The following MAP2K6 variants were observed in gnomAD, a reference collection of about 807,000 sequenced individuals.
The protein encoded by MAP2K6 is dual specificity mitogen-activated protein kinase kinase 6.
In MAP2K6, 16 loss-of-function variants were observed where a neutral mutation model predicts 53.7. That is an observed-to-expected ratio of 0.30 (90% confidence interval 0.20 to 0.45). The LOEUF is 0.45. Among genes scored for constraint, MAP2K6 ranks in the 20% least tolerant of loss-of-function variants. The pLI is 1.00. For synonymous variants in MAP2K6, 132 were observed against 143.1 expected (o/e 0.92, Z 0.55); for missense variants, 204 against 411.9 (o/e 0.50, Z 4.37).
intron 1 of MAP2K6, among the ~76,000 whole-genome samples, chr17:69,481,064 A>G (rs1908335086): frequency 6.6e-6 from 1 of 152,200 alleles, no homozygotes; most frequent in Non-Finnish European, 1.5e-5. Flanking sequence ...GTACATCCAC[A>G]TTGGTATGCA....
chr17:69,531,793 C>T (rs922599632), intron 10 of MAP2K6, among the ~76,000 whole-genome samples: 6 of 152,128 alleles, frequency 3.9e-5, no homozygotes, highest in African/African-American at 4.8e-5. Context: ...TCTTTCTTAT[C>T]GTAGGGGTTT....
At chr17:69,505,645 G>T in intron 1 of MAP2K6, 135 bp from the exon 2 acceptor site, 1 of 711,854 alleles carries the variant, frequency 1.4e-6, no homozygotes, top group Non-Finnish European at 2.6e-6. Context: ...CAGACTTCCT[G>T]GGTAGGAAGT....
chr17:69,505,081 G>GA (rs879863986), intron 1 of MAP2K6, among the ~76,000 whole-genome samples: 39 of 101,082 alleles, frequency 3.9e-4, no homozygotes, highest in African/African-American at 4.6e-4. Context: ...ACACTAAAAA[G>GA]AAAAAAAAAA....
chr17:69,415,515 A>T (rs1439049314), intron 1 of MAP2K6, among the ~76,000 whole-genome samples: 1 of 152,214 alleles, frequency 6.6e-6, no homozygotes, highest in Non-Finnish European at 1.5e-5. Flanking sequence ...TATCGCCTTG[A>T]ACATTAGGTA....
chr17:69,430,686 C>A (rs754952216), intron 1 of MAP2K6, among the ~76,000 whole-genome samples: 53 of 152,212 alleles, frequency 3.5e-4, no homozygotes, highest in Non-Finnish European at 7.2e-4. Flanking sequence ...CTAAGTGGGA[C>A]CAATGGAGTC....
intron 1 of MAP2K6, among the ~76,000 whole-genome samples, chr17:69,451,315 A>G (rs967302373): frequency 1.3e-5 from 2 of 152,180 alleles, no homozygotes; most frequent in African/African-American, 4.8e-5. Flanking sequence ...AAATCAGCAA[A>G]TGCTACACAT....
intron 1 of MAP2K6, among the ~76,000 whole-genome samples, chr17:69,448,246 T>G (rs1056749962): frequency 1.4e-3 from 54 of 38,024 alleles, no homozygotes; most frequent in African/African-American, 4.7e-3. Context: ...TTGTTTTTGT[T>G]TTTTTTTTTT....
At chr17:69,493,286 GA>G (rs536685307) in intron 1 of MAP2K6, among the ~76,000 whole-genome samples, 6 of 137,818 alleles carry the variant, frequency 4.4e-5, no homozygotes, top group Admixed American at 3.8e-4. Context: ...AACCAAAAAG[GA>G]AAAAAAACAG....
chr17:69,537,362 A>C (rs1911411350), intron 11 of MAP2K6, among the ~76,000 whole-genome samples: 1 of 152,228 alleles, frequency 6.6e-6, no homozygotes, highest in Non-Finnish European at 1.5e-5. Context: ...GCACAATTTC[A>C]AAAGCAATAA....
chr17:69,442,988 C>G (rs1474564595), intron 1 of MAP2K6, among the ~76,000 whole-genome samples: 1 of 152,120 alleles, frequency 6.6e-6, no homozygotes, highest in East Asian at 1.9e-4. Flanking sequence ...TCCTATTGCT[C>G]AGTCCCAAAC....
At chr17:69,468,741 C>T (rs1278630235) in intron 1 of MAP2K6, among the ~76,000 whole-genome samples, 2 of 152,166 alleles carry the variant, frequency 1.3e-5, no homozygotes, top group Non-Finnish European at 2.9e-5. Context: ...AGTAAAGCCC[C>T]TTCATCATCC....
chr17:69,487,144 T>C (rs776118642), intron 1 of MAP2K6, among the ~76,000 whole-genome samples: 17 of 152,176 alleles, frequency 1.1e-4, no homozygotes, highest in Non-Finnish European at 2.2e-4. Flanking sequence ...ACTTTTTCCT[T>C]TGGATACCAG....
At chr17:69,457,714 A>T (rs1389146032) in intron 1 of MAP2K6, among the ~76,000 whole-genome samples, 1 of 152,210 alleles carries the variant, frequency 6.6e-6, no homozygotes, top group Non-Finnish European at 1.5e-5. Flanking sequence ...CTGAGGCTGG[A>T]GGATTGCTTG....
chr17:69,492,908 T>G (rs1219962248), intron 1 of MAP2K6, among the ~76,000 whole-genome samples: 2 of 152,088 alleles, frequency 1.3e-5, no homozygotes, highest in African/African-American at 4.8e-5. Flanking sequence ...CTCAGTAAAA[T>G]GAAAAGAGTG....
At chr17:69,506,674 A>G (rs1337188682) in intron 2 of MAP2K6, among the ~76,000 whole-genome samples, 1 of 152,208 alleles carries the variant, frequency 6.6e-6, no homozygotes, top group African/African-American at 2.4e-5. Flanking sequence ...ATGATCTGCT[A>G]TCAGGAAGTG....
At chr17:69,517,051 C>T in intron 3 of MAP2K6, 148 bp downstream of exon 3, 1 of 635,072 alleles carries the variant, frequency 1.6e-6, no homozygotes, top group Non-Finnish European at 2.8e-6. Flanking sequence ...AAAGTTTTTG[C>T]TATTTTGAAA....
chr17:69,502,800 T>C (rs1394552662), intron 1 of MAP2K6: 1 of 686,824 alleles, frequency 1.5e-6, no homozygotes, highest in African/African-American at 1.9e-5. Context: ...TATTTTGGTC[T>C]TTTATTCCTT....
In MAP2K6 at chr17:69,547,404, A is replaced by G. The variant is rs1188948941; in HGVS notation, c.*5651A>G. On this transcript the variant is annotated 3_prime_UTR_variant, in exon 12 of 12. Transcript: ENST00000590474. Reference sequence around the variant, plus strand: ...TGTATCATGAAAGCATCTATACGCAATACACAAATGAATGAGCCTGGTGGC... The same window carrying G: ...TGTATCATGAAAGCATCTATACGCAGTACACAAATGAATGAGCCTGGTGGC... The G allele has an allele frequency of 6.6e-6, 1 of 152,282 alleles. No individual in the cohort carries two copies. Among genetic ancestry groups the G allele is most frequent in the Non-Finnish European group, 1.5e-5 (1 of 68,052 alleles). The allele number at this position is 152,282 out of a possible 1,614,324, so 9.4% of individuals were successfully genotyped here. A position where few individuals can be genotyped will look rare whatever the true frequency, so the allele number is the denominator to read the frequency against.
At chr17:69,517,006 CA>C (rs35800854) in intron 3 of MAP2K6, 103 bp downstream of exon 3, 15 of 914,166 alleles carry the variant, frequency 1.6e-5, no homozygotes, top group Admixed American at 2.3e-5. Flanking sequence ...GGGGATGAGT[CA>C]AAAAAAGTTT....
Sources: allele counts gnomAD v4.1 joint callset (sites outside exome capture counted in the v4.1 genomes callset), GRCh38; gene constraint gnomAD v4.1.1; transcripts MANE v1.5; gene names NCBI Gene and HGNC (gene_info 2026-07-23, HGNC 2026-07-21).